Variants in CGNL1 observed in about 807,000 individuals in gnomAD.
CGNL1 encodes cingulin like 1.
In CGNL1, 132 loss-of-function variants were observed where a neutral mutation model predicts 141.2. That is an observed-to-expected ratio of 0.93 (90% CI 0.81 to 1.08). The LOEUF (loss-of-function observed/expected upper bound fraction) is 1.08, where lower values mean the gene tolerates loss of function less well. CGNL1 is among the 50% of genes least tolerant of loss of function. The pLI, the probability that CGNL1 is intolerant of heterozygous loss-of-function variation, is 0.00. For synonymous variants in CGNL1, 690 were observed against 622.1 expected (o/e 1.11, Z -1.63); for missense variants, 1,870 against 1,588.6 (o/e 1.18, Z -3.01).
Position 57,438,954 on chromosome 15 carries a change from T to A in CGNL1, c.955T>A (p.Cys319Ser), listed in dbSNP as rs1198315701. Residue 319 changes from cysteine (C) to serine (S), a missense_variant, in exon 2 of 19, where the codon TGT becomes AGT. Cys to Ser is a moderately radical substitution (Grantham distance 112). Transcript: ENST00000281282. ...CAGGTTTTTACTGGATGATCAGGAA[T>A]GTGCCATCCATGCCGACAACGTCAA... is the stretch of plus-strand genomic sequence containing the variant. ...LYRFLLDDQECAIHADNVNRH... is the reference protein window; with the variant it reads ...LYRFLLDDQESAIHADNVNRH... 3.7e-6 allele frequency: 6 copies of A among 1,614,230 alleles called. No individual in the cohort carries two copies. In the South Asian group the frequency reaches 5.5e-5, roughly 15 times the overall value.
At chr15:57,464,112 C>T (rs1221629342) in intron 8 of CGNL1, among the ~76,000 whole-genome samples, 2 of 151,100 alleles carry the variant, frequency 1.3e-5, no homozygotes, top group African/African-American at 4.9e-5. Context: ...AACTCTAGTA[C>T]CTCTGGGGCC....
intron 8 of CGNL1, among the ~76,000 whole-genome samples, chr15:57,483,275 A>T (rs959982209): frequency 4.6e-5 from 7 of 152,108 alleles, no homozygotes; most frequent in African/African-American, 1.7e-4. Flanking sequence ...CAAGTCCTGT[A>T]TGTGTTGTGC....
At chr15:57,511,365 G>A (rs768943047) in intron 8 of CGNL1, among the ~76,000 whole-genome samples, 1 of 152,124 alleles carries the variant, frequency 6.6e-6, no homozygotes, top group African/African-American at 2.4e-5. Flanking sequence ...TTGACCTGAT[G>A]TAATTTATTT....
At chr15:57,395,131 AC>A (rs2062588786) in intron 1 of CGNL1, among the ~76,000 whole-genome samples, 1 of 152,030 alleles carries the variant, frequency 6.6e-6, no homozygotes, top group Non-Finnish European at 1.5e-5. Flanking sequence ...ACAAACAAAA[AC>A]CCCACCAAAC....
intron 14 of CGNL1, among the ~76,000 whole-genome samples, chr15:57,539,488 A>G (rs1167287726): frequency 6.6e-6 from 1 of 152,026 alleles, no homozygotes; most frequent in African/African-American, 2.4e-5. Flanking sequence ...AGGTGTGGGC[A>G]TTTCTTGCAC....
At chr15:57,388,666 A>G (rs2062509954) in intron 1 of CGNL1, among the ~76,000 whole-genome samples, 1 of 152,262 alleles carries the variant, frequency 6.6e-6, no homozygotes, top group Admixed American at 6.5e-5. Flanking sequence ...AGCCTTGTGC[A>G]GTCCATGGGA....
chr15:57,428,964 A>C (rs1448869175), intron 1 of CGNL1, among the ~76,000 whole-genome samples: 1 of 152,070 alleles, frequency 6.6e-6, no homozygotes, highest in Non-Finnish European at 1.5e-5. Context: ...CAGAGGTTGC[A>C]GTGAGCCGAG....
At chr15:57,418,839 C>G (rs1460449451) in intron 1 of CGNL1, among the ~76,000 whole-genome samples, 1 of 152,146 alleles carries the variant, frequency 6.6e-6, no homozygotes, top group African/African-American at 2.4e-5. Flanking sequence ...CGCTGGCCGT[C>G]CGACATGCCA....
intron 8 of CGNL1, among the ~76,000 whole-genome samples, chr15:57,507,726 A>G (rs1210094726): frequency 1.3e-5 from 2 of 152,218 alleles, no homozygotes; most frequent in African/African-American, 4.8e-5. Flanking sequence ...ATTGTTACAG[A>G]TGATCTGGTT....
chr15:57,388,984 A>G lies in CGNL1; in HGVS notation c.-16+12417A>G, dbSNP rs2062513533. Among the ~76,000 whole-genome samples the G allele has an allele frequency of 1.3e-5, 2 of 152,204 alleles. 1 individual carries two copies. The highest frequency in any genetic ancestry group is 4.1e-4 in the South Asian group (2 of 4,830). On this transcript the variant is annotated intron_variant, in intron 1 of 18. Transcript: ENST00000281282. Reference sequence around the variant, plus strand: ...ACATTTGCAGATGAAATAAAATTCTAAAGGTAAAAATGAAGACTTCGGAGT... The same window carrying G: ...ACATTTGCAGATGAAATAAAATTCTGAAGGTAAAAATGAAGACTTCGGAGT...
At chr15:57,530,572 G>A (rs1400353100) in intron 13 of CGNL1, among the ~76,000 whole-genome samples, 11 of 152,186 alleles carry the variant, frequency 7.2e-5, no homozygotes, top group African/African-American at 2.4e-4. Context: ...TGTGGATCCT[G>A]AGTGATGTCT....
At chr15:57,497,279 C>A (rs2063953813) in intron 8 of CGNL1, among the ~76,000 whole-genome samples, 1 of 150,290 alleles carries the variant, frequency 6.7e-6, no homozygotes, top group Non-Finnish European at 1.5e-5. Flanking sequence ...GTGTGTGCAC[C>A]TTGTCTGCCC....
At chr15:57,526,809 G>T (rs1016272214) in intron 12 of CGNL1, among the ~76,000 whole-genome samples, 1 of 152,144 alleles carries the variant, frequency 6.6e-6, no homozygotes, top group Admixed American at 6.5e-5. Context: ...CCCTTACCGG[G>T]TGTTAGGAGG....
intron 8 of CGNL1, among the ~76,000 whole-genome samples, chr15:57,510,919 C>A (rs1255726582): frequency 6.6e-6 from 1 of 152,198 alleles, no homozygotes; most frequent in Non-Finnish European, 1.5e-5. Context: ...GGGGCTCCGG[C>A]TCCGCTATCT....
At chr15:57,473,608 A>C (rs1437877089) in intron 8 of CGNL1, among the ~76,000 whole-genome samples, 1 of 152,150 alleles carries the variant, frequency 6.6e-6, no homozygotes, top group Non-Finnish European at 1.5e-5. Flanking sequence ...TTGCTTGATC[A>C]TAAAGGACAT....
chr15:57,453,300 C>T (rs1169730769), intron 6 of CGNL1, among the ~76,000 whole-genome samples: 1 of 152,142 alleles, frequency 6.6e-6, no homozygotes, highest in Non-Finnish European at 1.5e-5. Context: ...TGCCAACTCT[C>T]CTGGTCTAGA....
intron 7 of CGNL1, among the ~76,000 whole-genome samples, chr15:57,458,896 C>A (rs2077164360): frequency 6.6e-6 from 1 of 152,216 alleles, no homozygotes; most frequent in Non-Finnish European, 1.5e-5. Flanking sequence ...CTTGTCAATG[C>A]CTGCTAGTTA....
intron 1 of CGNL1, among the ~76,000 whole-genome samples, chr15:57,430,322 G>C (rs554588129): frequency 3.3e-5 from 5 of 152,058 alleles, no homozygotes; most frequent in African/African-American, 9.7e-5. Context: ...TTAAACTTTC[G>C]TAGCTTAGCT....
In CGNL1 at chr15:57,438,118, A is replaced by C; in HGVS notation, c.119A>C (p.Tyr40Ser). 6.2e-7 allele frequency: 1 copy of C among 1,614,198 alleles called. No homozygotes were observed. Among genetic ancestry groups the C allele is most frequent in the Non-Finnish European group, 8.5e-7 (1 of 1,180,028 alleles). ...TCCCAGAACTCCAAGGCAGGCTCCT[A>C]CGGTGTCAGTATTCGGGTCCAGGGA... is the stretch of plus-strand genomic sequence containing the variant. ...RSSQNSKAGS[Y>S]GVSIRVQGID... Residue 40 changes from tyrosine (Y) to serine (S), a missense_variant, in exon 2 of 19, where the codon TAC (tyrosine) becomes TCC (serine). Tyr to Ser is a moderately radical substitution (Grantham distance 144). Coordinates refer to ENST00000281282, the MANE Select transcript of CGNL1 (RefSeq NM_032866.5).
Sources: gnomAD v4.1 joint callset for allele counts (sites outside exome capture counted in the v4.1 genomes callset) on GRCh38, gnomAD v4.1.1 for gene constraint, MANE v1.5 for transcripts, NCBI Gene and HGNC (gene_info 2026-07-23, HGNC 2026-07-21) for gene names.